The following SAMHD1 variants were observed in gnomAD, a reference collection of about 807,000 sequenced individuals.
The protein encoded by SAMHD1 is deoxynucleoside triphosphate triphosphohydrolase SAMHD1.
SAMHD1 carries 54 observed loss-of-function variants against 79.6 expected under a neutral mutation model. The ratio of observed to expected loss-of-function variants is 0.68; its 90% CI spans 0.55 to 0.85. SAMHD1 has a LOEUF of 0.85. Ranked by LOEUF, SAMHD1 falls within the 40% of genes least tolerant of loss-of-function variation. The pLI is 0.00. For synonymous variants in SAMHD1, 260 were observed against 264.1 expected, an observed-to-expected ratio of 0.98 and a Z score of 0.15; for missense variants, 663 against 782.7, an observed-to-expected ratio of 0.85 and a Z score of 1.82.
intron 1 of SAMHD1, among the ~76,000 whole-genome samples, chr20:36,948,441 C>T (rs747273396): frequency 1.7e-4 from 26 of 151,754 alleles, no homozygotes; most frequent in Non-Finnish European, 3.5e-4. Flanking sequence ...TTAGTAGAGA[C>T]GGTGTTTCAC....
intron 3 of SAMHD1, among the ~76,000 whole-genome samples, chr20:36,938,876 ACAT>A (rs1312247487): frequency 6.6e-6 from 1 of 151,484 alleles, no homozygotes; most frequent in Non-Finnish European, 1.5e-5. Flanking sequence ...CAACAACAAA[ACAT>A]TATTATATAG....
chr20:36,913,990 G>A (rs2063460527), intron 9 of SAMHD1, among the ~76,000 whole-genome samples: 1 of 152,042 alleles, frequency 6.6e-6, no homozygotes, highest in South Asian at 2.1e-4. Flanking sequence ...GGTAGCCCAA[G>A]AGATTTGCCC....
chr20:36,951,512 T>A lies in SAMHD1; in HGVS notation c.132A>T (p.Thr44=), dbSNP rs1391870271. The change falls in exon 1 of 16, where the codon ACA becomes ACT. Residue 44 remains threonine (T), a synonymous_variant. Transcript: ENST00000646673. ...PGLELHPDYK[T]WGPEQVCSFL... is the part of the protein sequence containing the mutation. ...AGGAGCACACCTGCTCCGGACCCCA[T>A]GTCTTGTAGTCGGGATGGAGTTCCA... 6.2e-7 allele frequency: 1 copy of A among 1,614,056 alleles called. No homozygotes were observed. The highest frequency in any genetic ancestry group is 1.3e-5 in the African/African-American group (1 of 74,948).
chr20:36,905,842 G>A (rs1004471621), intron 11 of SAMHD1, among the ~76,000 whole-genome samples: 22 of 151,816 alleles, frequency 1.4e-4, no homozygotes, highest in Admixed American at 5.9e-4. Flanking sequence ...GTGTAGTGGC[G>A]GGCGCCTGTA....
intron 2 of SAMHD1, among the ~76,000 whole-genome samples, chr20:36,943,361 G>A (rs555944068): frequency 2.9e-4 from 44 of 152,308 alleles, no homozygotes; most frequent in Non-Finnish European, 6.2e-4. Context: ...TTGAAATATG[G>A]CTAGTGTAAC....
chr20:36,922,669 G>A (rs1319353660), intron 6 of SAMHD1, among the ~76,000 whole-genome samples: 2 of 151,950 alleles, frequency 1.3e-5, no homozygotes, highest in East Asian at 3.9e-4. Flanking sequence ...GTAAGCCACT[G>A]TGTCCAGTCT....
intron 13 of SAMHD1, among the ~76,000 whole-genome samples, chr20:36,899,289 G>A (rs766637547): frequency 1.3e-5 from 2 of 150,642 alleles, no homozygotes; most frequent in South Asian, 4.2e-4. Flanking sequence ...TTAGCCAGAC[G>A]TGGTGTTGTG....
At chr20:36,923,437 A>G (rs1330825795) in intron 6 of SAMHD1, among the ~76,000 whole-genome samples, 1 of 152,112 alleles carries the variant, frequency 6.6e-6, no homozygotes, top group African/African-American at 2.4e-5. Flanking sequence ...CAATAAAATA[A>G]AAATAAATAA....
chr20:36,925,270 G>A (rs1220221698), intron 6 of SAMHD1, among the ~76,000 whole-genome samples: 2 of 152,114 alleles, frequency 1.3e-5, no homozygotes, highest in Non-Finnish European at 2.9e-5. Flanking sequence ...AATAGATTTG[G>A]TAATGATTGA....
intron 11 of SAMHD1, 139 bp from the exon 12 acceptor site, chr20:36,905,642 A>AC (rs2148360740): frequency 2.5e-6 from 2 of 796,326 alleles, no homozygotes; most frequent in African/African-American, 3.5e-5. Context: ...TGTGAGAAAA[A>AC]TTTTTAAAAG....
intron 5 of SAMHD1, among the ~76,000 whole-genome samples, chr20:36,930,023 G>A (rs1449285589): frequency 6.8e-6 from 1 of 146,094 alleles, no homozygotes; most frequent in East Asian, 2.0e-4. Context: ...CTAGGAGTTC[G>A]AGACCTGCCT....
At chr20:36,942,494 T>C (rs1190077591) in intron 2 of SAMHD1, among the ~76,000 whole-genome samples, 1 of 152,104 alleles carries the variant, frequency 6.6e-6, no homozygotes, top group African/African-American at 2.4e-5. Flanking sequence ...GTTGTTTTGT[T>C]TAGCAAAGGA....
At chr20:36,949,455 TA>T (rs113009599) in intron 1 of SAMHD1, among the ~76,000 whole-genome samples, 286 of 123,444 alleles carry the variant, frequency 2.3e-3, no homozygotes, top group Middle Eastern at 4.8e-3. Flanking sequence ...TGTCTCTAAT[TA>T]AAAAAAAAAA....
chr20:36,944,980 C>T (rs758126523), intron 2 of SAMHD1, among the ~76,000 whole-genome samples: 5 of 152,188 alleles, frequency 3.3e-5, no homozygotes, highest in Non-Finnish European at 7.4e-5. Flanking sequence ...AACCTACAGC[C>T]ATACACAGAG....
intron 6 of SAMHD1, among the ~76,000 whole-genome samples, chr20:36,923,159 C>T (rs771647573): frequency 2.6e-5 from 4 of 151,868 alleles, no homozygotes; most frequent in Non-Finnish European, 4.4e-5. Flanking sequence ...TGCCACCACA[C>T]CCAGCCAATT....
At chr20:36,902,486 A>T (rs1048885062) in intron 13 of SAMHD1, among the ~76,000 whole-genome samples, 11 of 152,010 alleles carry the variant, frequency 7.2e-5, no homozygotes, top group African/African-American at 2.4e-4. Flanking sequence ...CTGGACTGAA[A>T]TGATTATTAG....
rs2063480965 is a variant in SAMHD1 at position 36,917,044 on chromosome 20, T to C, written c.858A>G (p.Pro286=). ...LESPVEDSLW[P]YKGRPENKSF... is the part of the protein sequence containing the mutation. ...TTTTGTTTTCAGGACGCCCTTTATA[T>C]GGCCACTGGAAGGCAAGAAAACCCA... The change falls in exon 8 of 16, where the codon CCA becomes CCG. Residue 286 remains proline, a synonymous_variant. Coordinates refer to ENST00000646673, the MANE Select transcript of SAMHD1 (RefSeq NM_015474.4). 1.2e-6 allele frequency: 2 copies of C among 1,611,228 alleles called. No individual in the cohort carries two copies. The highest frequency in any genetic ancestry group is 1.7e-6 in the Non-Finnish European group (2 of 1,177,474).
chr20:36,924,121 G>A (rs1203662901), intron 6 of SAMHD1, among the ~76,000 whole-genome samples: 2 of 152,030 alleles, frequency 1.3e-5, no homozygotes, highest in African/African-American at 2.4e-5. Context: ...GCATGGTAGT[G>A]TGTGCCTGTA....
intron 11 of SAMHD1, among the ~76,000 whole-genome samples, chr20:36,910,730 C>CAAAA (rs397777434): frequency 8.5e-6 from 1 of 118,164 alleles, no homozygotes. Context: ...ACTCCATCTC[C>CAAAA]AAAAAAAAAA....
Sources: allele counts gnomAD v4.1 joint callset (sites outside exome capture counted in the v4.1 genomes callset), GRCh38; gene constraint gnomAD v4.1.1; transcripts MANE v1.5; gene names NCBI Gene and HGNC (gene_info 2026-07-23, HGNC 2026-07-21).